TP63: variants seen among roughly 807,000 people sequenced by gnomAD.
TP63 encodes tumor protein p63.
In TP63, 17 loss-of-function variants were observed where a neutral mutation model predicts 82.8. The observed-to-expected ratio is 0.21, with a 90% confidence interval of 0.14 to 0.31. The LOEUF is 0.31. TP63 is among the 10% of genes least tolerant of loss of function. The probability of loss-of-function intolerance (pLI) is 1.00; values close to 1 mark genes in which losing one functional copy is unlikely to be tolerated. For synonymous variants in TP63, 330 were observed against 321.7 expected (o/e 1.03, Z -0.28); for missense variants, 648 against 895.3 (o/e 0.72, Z 3.52).
At chr3:189,665,039 A>G (rs1305232079) in intron 1 of TP63, among the ~76,000 whole-genome samples, 2 of 152,184 alleles carry the variant, frequency 1.3e-5, no homozygotes, top group Non-Finnish European at 2.9e-5. Context: ...GAATGAAAGC[A>G]TAAATAACCA....
chr3:189,843,738 A>G (rs901919903), intron 4 of TP63, among the ~76,000 whole-genome samples: 9 of 152,158 alleles, frequency 5.9e-5, no homozygotes, highest in Admixed American at 4.6e-4. Flanking sequence ...TCATTTGTGA[A>G]TCAAAAAATC....
At chr3:189,794,747 T>C (rs970056894) in intron 3 of TP63, among the ~76,000 whole-genome samples, 3 of 152,052 alleles carry the variant, frequency 2.0e-5, no homozygotes, top group Admixed American at 6.6e-5. Context: ...AATTGTGTAA[T>C]TGGAGCTCTA....
chr3:189,695,551 C>T (rs961891962), intron 1 of TP63, among the ~76,000 whole-genome samples: 19 of 152,280 alleles, frequency 1.2e-4, no homozygotes, highest in Middle Eastern at 3.4e-3. Context: ...TGCTTCTAGG[C>T]TGTCTCAGCT....
rs12638768 is a variant in TP63, at chr3:189,636,620, C to T, written c.62+5043C>T. On this transcript the variant is annotated intron_variant, in intron 1 of 13. Coordinates refer to ENST00000264731, the MANE Select transcript of TP63 (RefSeq NM_003722.5). Reference sequence around the variant, plus strand: ...TATGGCATATTTCGGGTCACAAAACCGCCACCAATCTTCTAAATATAGACC... The same window carrying T: ...TATGGCATATTTCGGGTCACAAAACTGCCACCAATCTTCTAAATATAGACC... 1.3e-3 allele frequency among the ~76,000 whole-genome samples: 205 copies of T among 152,114 alleles called. 3 individuals carry two copies. The East Asian group carries it at 0.036, about 27-fold the overall frequency.
chr3:189,757,027 G>T (rs1199513723), intron 3 of TP63, among the ~76,000 whole-genome samples: 1 of 152,184 alleles, frequency 6.6e-6, no homozygotes, highest in African/African-American at 2.4e-5. Context: ...TTAGTCATCT[G>T]TCCTTTCCTT....
intron 4 of TP63, among the ~76,000 whole-genome samples, chr3:189,833,748 C>A (rs1712712941): frequency 6.6e-6 from 1 of 150,768 alleles, no homozygotes; most frequent in Non-Finnish European, 1.5e-5. Context: ...ATCTTGAAAA[C>A]ATTTAATTAA....
At chr3:189,666,450 A>C (rs1372043432) in intron 1 of TP63, among the ~76,000 whole-genome samples, 2 of 152,100 alleles carry the variant, frequency 1.3e-5, no homozygotes, top group East Asian at 3.9e-4. Context: ...TAATTAATGA[A>C]ATAGACTTAT....
intron 3 of TP63, among the ~76,000 whole-genome samples, chr3:189,788,025 T>A (rs1301002571): frequency 2.0e-5 from 3 of 151,932 alleles, no homozygotes; most frequent in East Asian, 3.9e-4. Flanking sequence ...TCTTAAGCTG[T>A]CAGTAGGTGT....
chr3:189,684,393 A>G (rs1716236788), intron 1 of TP63, among the ~76,000 whole-genome samples: 3 of 152,192 alleles, frequency 2.0e-5, no homozygotes, highest in Admixed American at 1.3e-4. Flanking sequence ...AATAGTGATC[A>G]ACTCCACTTT....
At chr3:189,732,543 G>A (rs554936885) in intron 1 of TP63, among the ~76,000 whole-genome samples, 4 of 152,316 alleles carry the variant, frequency 2.6e-5, no homozygotes, top group Non-Finnish European at 4.4e-5. Flanking sequence ...GATGTAGCGC[G>A]TTTTGTGGTA....
intron 1 of TP63, among the ~76,000 whole-genome samples, chr3:189,737,320 A>G (rs531600949): frequency 6.6e-6 from 1 of 152,240 alleles, no homozygotes; most frequent in East Asian, 1.9e-4. Flanking sequence ...TATTTCTTAC[A>G]TGCTGGTGGC....
At chr3:189,817,885 C>G (rs1195522287) in intron 4 of TP63, among the ~76,000 whole-genome samples, 1 of 151,582 alleles carries the variant, frequency 6.6e-6, no homozygotes, top group Non-Finnish European at 1.5e-5. Context: ...ATGCAGTCAT[C>G]TTTACTGGGT....
intron 3 of TP63, among the ~76,000 whole-genome samples, chr3:189,790,881 G>A (rs1576962892): frequency 6.6e-6 from 1 of 152,138 alleles, no homozygotes; most frequent in Non-Finnish European, 1.5e-5. Context: ...AGAGCAGAGG[G>A]CTGCGAAGCA....
At chr3:189,761,967 A>G (rs1183356558) in intron 3 of TP63, among the ~76,000 whole-genome samples, 1 of 152,202 alleles carries the variant, frequency 6.6e-6, no homozygotes, top group Non-Finnish European at 1.5e-5. Flanking sequence ...AGCATGGGAA[A>G]GACCTGCTCC....
intron 9 of TP63, among the ~76,000 whole-genome samples, chr3:189,870,398 C>T (rs1718274908): frequency 2.0e-5 from 3 of 152,126 alleles, no homozygotes; most frequent in East Asian, 1.9e-4. Context: ...ATGGCATTTA[C>T]ATTATATTAG....
At chr3:189,680,144 A>C (rs1023740220) in intron 1 of TP63, among the ~76,000 whole-genome samples, 1 of 151,940 alleles carries the variant, frequency 6.6e-6, no homozygotes. Context: ...CTGCCATTGG[A>C]ATTCTGGTAG....
At chr3:189,679,658 G>C (rs1232475240) in intron 1 of TP63, among the ~76,000 whole-genome samples, 2 of 151,612 alleles carry the variant, frequency 1.3e-5, no homozygotes, top group African/African-American at 4.8e-5. Flanking sequence ...TGTCTACTCT[G>C]GCTTTTGTTG....
intron 1 of TP63, among the ~76,000 whole-genome samples, chr3:189,732,735 C>T (rs915605698): frequency 7.2e-5 from 11 of 152,194 alleles, no homozygotes; most frequent in African/African-American, 2.7e-4. Flanking sequence ...AGGTCAGCCC[C>T]ATTCCAAAAC....
intron 1 of TP63, among the ~76,000 whole-genome samples, chr3:189,646,931 A>G (rs1712467274): frequency 6.8e-6 from 1 of 147,238 alleles, no homozygotes; most frequent in African/African-American, 2.5e-5. Flanking sequence ...AGGCTTTTCC[A>G]GTCATAAGAG....
Sources: allele counts gnomAD v4.1 joint callset (sites outside exome capture counted in the v4.1 genomes callset), GRCh38; gene constraint gnomAD v4.1.1; transcripts MANE v1.5; gene names NCBI Gene and HGNC (gene_info 2026-07-23, HGNC 2026-07-21).